The following ACOXL variants were observed in gnomAD, a reference collection of about 807,000 sequenced individuals.
ACOXL encodes the protein acyl-CoA oxidase like, also known as acyl-coenzyme A oxidase-like protein.
ACOXL carries 70 observed loss-of-function variants against 71.9 expected under a neutral mutation model. That is an observed-to-expected ratio of 0.97 (90% CI 0.80 to 1.19). The LOEUF is 1.19. Among genes scored for constraint, ACOXL ranks in the 50% most tolerant of loss-of-function variants. The probability of loss-of-function intolerance (pLI) is 0.00; values close to 1 mark genes in which losing one functional copy is unlikely to be tolerated. For synonymous variants in ACOXL, 253 were observed against 281.6 expected, an observed-to-expected ratio of 0.90 and a Z score of 1.02; for missense variants, 703 against 736.3, an observed-to-expected ratio of 0.95 and a Z score of 0.52.
At chr2:110,899,725 A>C (rs2059151297) in intron 10 of ACOXL, among the ~76,000 whole-genome samples, 1 of 152,218 alleles carries the variant, frequency 6.6e-6, no homozygotes, top group African/African-American at 2.4e-5. Context: ...TGCATTCATT[A>C]GTATACAATT....
chr2:111,052,468 C>G (rs1376588068), intron 16 of ACOXL, among the ~76,000 whole-genome samples: 1 of 151,936 alleles, frequency 6.6e-6, no homozygotes, highest in East Asian at 1.9e-4. Flanking sequence ...TCCCATCTAC[C>G]AAGCAGAGGT....
intron 11 of ACOXL, among the ~76,000 whole-genome samples, chr2:110,932,567 T>C (rs2060515462): frequency 6.6e-6 from 1 of 152,158 alleles, no homozygotes; most frequent in Non-Finnish European, 1.5e-5. Flanking sequence ...GGAGTGGAAT[T>C]GAGGTATACT....
At chr2:110,768,534 G>T in intron 2 of ACOXL, 70 bp downstream of exon 2, 4 of 1,444,798 alleles carry the variant, frequency 2.8e-6, no homozygotes, top group Non-Finnish European at 3.8e-6. Flanking sequence ...GAGAGAGAGA[G>T]AGAGTTTTTT....
intron 10 of ACOXL, among the ~76,000 whole-genome samples, chr2:110,896,552 A>T (rs1299875010): frequency 6.6e-6 from 1 of 152,154 alleles, no homozygotes; most frequent in African/African-American, 2.4e-5. Context: ...TCGTGCAAAG[A>T]TTTGCCAAAA....
intron 2 of ACOXL, among the ~76,000 whole-genome samples, chr2:110,769,886 C>T (rs1315016348): frequency 6.6e-6 from 1 of 151,786 alleles, no homozygotes; most frequent in Non-Finnish European, 1.5e-5. Flanking sequence ...AAACACTAAA[C>T]AAATACTAGC....
chr2:111,083,744 C>G (rs2068054591), intron 16 of ACOXL, among the ~76,000 whole-genome samples: 1 of 152,116 alleles, frequency 6.6e-6, no homozygotes, highest in Non-Finnish European at 1.5e-5. Flanking sequence ...TCAAAAGTCT[C>G]TCTCCCAAGA....
intron 14 of ACOXL, among the ~76,000 whole-genome samples, chr2:111,019,323 ATCTG>A (rs1267604546): frequency 2.0e-5 from 3 of 152,196 alleles, no homozygotes; most frequent in Non-Finnish European, 2.9e-5. Flanking sequence ...TTATTTACAC[ATCTG>A]TTGTTGGAAA....
chr2:110,905,698 A>C (rs1417656138), intron 10 of ACOXL, among the ~76,000 whole-genome samples: 1 of 152,134 alleles, frequency 6.6e-6, no homozygotes, highest in African/African-American at 2.4e-5. Flanking sequence ...TCCTCAGGGG[A>C]TAGCCGTTTC....
At chr2:110,749,031 T>C (rs1455234695) in intron 1 of ACOXL, among the ~76,000 whole-genome samples, 1 of 152,198 alleles carries the variant, frequency 6.6e-6, no homozygotes, top group Non-Finnish European at 1.5e-5. Context: ...TTGAAGTTCG[T>C]GTTGATGCTT....
At chr2:110,945,362 C>CTT (rs35191683) in intron 12 of ACOXL, among the ~76,000 whole-genome samples, 5 of 133,280 alleles carry the variant, frequency 3.8e-5, no homozygotes, top group African/African-American at 2.7e-5. Flanking sequence ...CATTTGTCAA[C>CTT]TTTTTTTTTT....
intron 15 of ACOXL, among the ~76,000 whole-genome samples, chr2:111,048,255 T>C (rs936636409): frequency 2.6e-5 from 4 of 152,198 alleles, no homozygotes; most frequent in African/African-American, 9.7e-5. Context: ...GTTGGAGGAC[T>C]GAGTTTTGCT....
intron 17 of ACOXL, among the ~76,000 whole-genome samples, chr2:111,104,056 C>T (rs116493116): frequency 3.9e-5 from 6 of 152,204 alleles, no homozygotes; most frequent in Non-Finnish European, 8.8e-5. Context: ...ATTTCAGGAA[C>T]GTTGTATAAA....
chr2:110,732,859 A>G (rs898623473), intron 1 of ACOXL, 85 bp downstream of exon 1: 6 of 152,348 alleles, frequency 3.9e-5, no homozygotes, highest in Non-Finnish European at 7.3e-5. Context: ...CGCTGCGGAC[A>G]ACGCCCTGGC....
intron 17 of ACOXL, among the ~76,000 whole-genome samples, chr2:111,095,069 C>T (rs2068730943): frequency 6.6e-6 from 1 of 152,154 alleles, no homozygotes; most frequent in African/African-American, 2.4e-5. Flanking sequence ...AGTGCCAGCA[C>T]AGATTCACAG....
intron 10 of ACOXL, among the ~76,000 whole-genome samples, chr2:110,858,542 C>T (rs1693549441): frequency 6.6e-6 from 1 of 152,214 alleles, no homozygotes; most frequent in African/African-American, 2.4e-5. Context: ...TGGTAGCAGT[C>T]TGCTGCCTGA....
At position 110,911,605 on chromosome 2, in the gene ACOXL, G is replaced by GA. The variant is rs571428631; in HGVS notation, c.905+2708dup. On this transcript the variant is annotated intron_variant, in intron 11 of 17. Transcript: ENST00000439055. ...ACTACACTGTGTTAATAGAATATGT[G>GA]AAAAAAAACATGATCATCCCCATAG... 7.9e-5 allele frequency among the ~76,000 whole-genome samples: 12 copies of GA among 151,642 alleles called. No individual in the cohort carries two copies. The South Asian group carries it at 1.0e-3, about 13-fold the overall frequency.
chr2:111,084,631 A>G (rs2068108657), intron 16 of ACOXL, among the ~76,000 whole-genome samples: 1 of 152,202 alleles, frequency 6.6e-6, no homozygotes, highest in South Asian at 2.1e-4. Flanking sequence ...GGAGGACAAA[A>G]GAAATCCCGG....
chr2:111,039,888 AAC>A (rs1205361380), intron 15 of ACOXL, among the ~76,000 whole-genome samples: 8 of 152,346 alleles, frequency 5.3e-5, no homozygotes, highest in East Asian at 1.9e-4. Flanking sequence ...TGGAAAACAT[AAC>A]ACAGCAGAAA....
chr2:111,039,550 T>G (rs908059485), intron 15 of ACOXL, among the ~76,000 whole-genome samples: 43 of 152,226 alleles, frequency 2.8e-4, no homozygotes. Flanking sequence ...TATTTCACCT[T>G]TGTCTACTGA....
Sources: gnomAD v4.1 joint callset for allele counts (sites outside exome capture counted in the v4.1 genomes callset) on GRCh38, gnomAD v4.1.1 for gene constraint, MANE v1.5 for transcripts, NCBI Gene and HGNC (gene_info 2026-07-23, HGNC 2026-07-21) for gene names.